TVP23A: variants seen among roughly 807,000 people sequenced by gnomAD.
The protein encoded by TVP23A is trans-golgi network vesicle protein 23 homolog A.
TVP23A carries 21 observed loss-of-function variants against 31.7 expected under a neutral mutation model. The ratio of observed to expected loss-of-function variants is 0.66; its 90% CI spans 0.47 to 0.95. TVP23A has a LOEUF of 0.95. TVP23A is among the 40% of genes least tolerant of loss of function. The pLI, the probability that TVP23A is intolerant of heterozygous loss-of-function variation, is 0.00. For missense variants in TVP23A, 279 were observed against 255.6 expected, an observed-to-expected ratio of 1.09 and a Z score of -0.62; for synonymous variants, 104 against 96.0, an observed-to-expected ratio of 1.08 and a Z score of -0.49.
At chr16:10,799,609 T>G (rs566167521) in intron 2 of TVP23A, among the ~76,000 whole-genome samples, 92 of 152,380 alleles carry the variant, frequency 6.0e-4, no homozygotes, top group Admixed American at 1.8e-3. Flanking sequence ...GCTGGAATTA[T>G]AGGCGTGAGC....
At position 10,777,367 on chromosome 16, in the gene TVP23A, T is replaced by C. The variant is rs1479536362; in HGVS notation, c.90-2271A>G. On this transcript the variant is annotated intron_variant, in intron 2 of 7. Transcript: ENST00000299866. The surrounding 1 kb of genome is among the most constrained non-coding windows in gnomAD (Gnocchi z 4.5). ...GTGTTTCTCACTGGCCTGCGAGCAG[T>C]GAGCTTGCAACCTCTGGATTAGGTT... Among the ~76,000 whole-genome samples the C allele has an allele frequency of 6.6e-6, 1 of 152,110 alleles. No individual in the cohort carries two copies. The highest frequency in any genetic ancestry group is 1.5e-5 in the Non-Finnish European group (1 of 68,028).
chr16:10,771,568 C>G, intron 6 of TVP23A, 102 bp downstream of exon 6: 1 of 1,421,968 alleles, frequency 7.0e-7, no homozygotes. Flanking sequence ...ACATTGGCAG[C>G]CTGGCGGATA....
chr16:10,802,793 C>G (rs554152434), intron 2 of TVP23A, among the ~76,000 whole-genome samples: 37 of 152,172 alleles, frequency 2.4e-4, no homozygotes, highest in Non-Finnish European at 4.4e-4. Context: ...AAAATCCCCA[C>G]CACTCTGTAA....
At chr16:10,758,543 G>T (rs1056603148), downstream of TVP23A, among the ~76,000 whole-genome samples, 1 of 151,470 alleles carries the variant, frequency 6.6e-6, no homozygotes. Flanking sequence ...CAACGATTTG[G>T]TTTTTTTTTA....
chr16:10,788,836 C>G (rs1344849448), intron 2 of TVP23A, among the ~76,000 whole-genome samples: 1 of 152,200 alleles, frequency 6.6e-6, no homozygotes, highest in Non-Finnish European at 1.5e-5. Context: ...GCCTGCATGT[C>G]TCTCCACATT....
At chr16:10,805,633 C>T (rs897770326) in intron 2 of TVP23A, among the ~76,000 whole-genome samples, 1 of 150,968 alleles carries the variant, frequency 6.6e-6, no homozygotes, top group South Asian at 2.1e-4. Flanking sequence ...GAGGACTCCT[C>T]AGGGCTGAAG....
chr16:10,769,349 C>A, intron 7 of TVP23A: 1 of 440,454 alleles, frequency 2.3e-6, no homozygotes, highest in Non-Finnish European at 4.0e-6. Context: ...CCCCTCAAAT[C>A]TCTCCCCCGA....
At chr16:10,800,005 GTTC>G (rs1191275238) in intron 2 of TVP23A, among the ~76,000 whole-genome samples, 15 of 120,832 alleles carry the variant, frequency 1.2e-4, no homozygotes, top group Middle Eastern at 4.4e-3. Context: ...CCTGAGTGGG[GTTC>G]TTTTTTTTTT....
chr16:10,817,567 A>G (rs2034498371), intron 2 of TVP23A, among the ~76,000 whole-genome samples: 1 of 152,244 alleles, frequency 6.6e-6, no homozygotes, highest in African/African-American at 2.4e-5. Context: ...AGCTAGACTC[A>G]GCAGGGATTA....
At chr16:10,809,594 C>A (rs1342481456) in intron 2 of TVP23A, among the ~76,000 whole-genome samples, 5 of 152,196 alleles carry the variant, frequency 3.3e-5, no homozygotes, top group Admixed American at 2.0e-4. Context: ...CTAGATCTCC[C>A]AATGAGCTGA....
chr16:10,818,327 C>A lies in TVP23A; in HGVS notation c.10-145G>T. On this transcript the variant is annotated intron_variant, in intron 1 of 7. Transcript: ENST00000299866. The surrounding 1 kb of genome is among the most constrained non-coding windows in gnomAD (Gnocchi z 4.7). ...CCGAGCTGGCGGGGCCCCTCCGCTG[C>A]GGCTGCAGTGCAAAGCCCTCTCCAC... The A allele has an allele frequency of 1.5e-6, 2 of 1,349,500 alleles. No homozygotes were observed. Among genetic ancestry groups the A allele is most frequent in the South Asian group, 2.6e-5 (2 of 76,730 alleles). 83.6% of individuals were successfully genotyped at this position (1,349,500 alleles called of 1,614,324 possible).
At chr16:10,813,827 CCT>C (rs2034309429) in intron 2 of TVP23A, among the ~76,000 whole-genome samples, 1 of 151,764 alleles carries the variant, frequency 6.6e-6, no homozygotes, top group Admixed American at 6.6e-5. Context: ...ATGATGAAAC[CCT>C]GTCTCTACTA....
At chr16:10,775,314 CT>C in intron 2 of TVP23A, 1 of 1,385,240 alleles carries the variant, frequency 7.2e-7, no homozygotes, top group Non-Finnish European at 9.3e-7. Flanking sequence ...TTTTCCTCCC[CT>C]TCGAAGAATC....
Position 10,767,771 on chromosome 16 carries a change from A to G in TVP23A, c.*1331T>C, listed in dbSNP as rs1420379984. On this transcript the variant is annotated 3_prime_UTR_variant, in exon 8 of 8. Transcript: ENST00000299866. This position sits in a 1 kb window ranked among gnomAD's most constrained non-coding sequence, Gnocchi z 4.6. Reference sequence around the variant, plus strand: ...AGCCACGCTGAAATGCTGGCTGGGGACCCTGCTGGAAGGAAGGTCCCTGAG... The same window carrying G: ...AGCCACGCTGAAATGCTGGCTGGGGGCCCTGCTGGAAGGAAGGTCCCTGAG... 2 of 604,638 alleles carry G rather than the reference A, an allele frequency of 3.3e-6. No individual in the cohort carries two copies. The highest frequency in any genetic ancestry group is 5.8e-5 in the Admixed American group (2 of 34,334). The allele number at this position is 604,638 out of a possible 1,614,324, so 37.5% of individuals were successfully genotyped here.
intron 2 of TVP23A, among the ~76,000 whole-genome samples, chr16:10,802,335 A>T (rs1392899113): frequency 6.6e-6 from 1 of 150,806 alleles, no homozygotes; most frequent in East Asian, 2.0e-4. Context: ...GCTGGAATGC[A>T]GTGGTGTGAT....
intron 2 of TVP23A, among the ~76,000 whole-genome samples, chr16:10,817,100 T>G (rs1483168156): frequency 6.6e-6 from 1 of 152,230 alleles, no homozygotes; most frequent in East Asian, 1.9e-4. Context: ...TTCCCCTAAT[T>G]CTTCCGAAGG....
At chr16:10,805,472 C>T (rs925789990) in intron 2 of TVP23A, among the ~76,000 whole-genome samples, 2 of 150,848 alleles carry the variant, frequency 1.3e-5, no homozygotes, top group Admixed American at 6.7e-5. Context: ...TCTTAAAGTC[C>T]AGGGGAGAGA....
intron 7 of TVP23A, 116 bp from the exon 8 acceptor site, chr16:10,769,217 G>A (rs906621944): frequency 1.1e-6 from 1 of 886,228 alleles, no homozygotes; most frequent in Admixed American, 2.1e-5. Flanking sequence ...AAAAGGACCA[G>A]ATGCTGGTGT....
At chr16:10,759,832 A>T (rs973854770), downstream of TVP23A, among the ~76,000 whole-genome samples, 2 of 152,196 alleles carry the variant, frequency 1.3e-5, no homozygotes, top group African/African-American at 4.8e-5. This position sits in a 1 kb window ranked among gnomAD's most constrained non-coding sequence, Gnocchi z 4.7. Context: ...TTTCTAGCTG[A>T]GCGCCCCTTC....
Sources: gnomAD v4.1 joint callset for allele counts (sites outside exome capture counted in the v4.1 genomes callset) on GRCh38, gnomAD v4.1.1 for gene constraint, Gnocchi (gnomAD v3.1) non-coding constraint, MANE v1.5 for transcripts, NCBI Gene and HGNC (gene_info 2026-07-23, HGNC 2026-07-21) for gene names.